The following GPC6 variants were observed in gnomAD, a reference collection of about 807,000 sequenced individuals.
The protein encoded by GPC6 is glypican-6.
Under a neutral mutation model 55.2 loss-of-function variants are expected in GPC6, and 14 were observed. The observed-to-expected ratio is 0.25, with a 90% CI of 0.17 to 0.40. The LOEUF is 0.40. Ranked by LOEUF, GPC6 falls within the 10% of genes least tolerant of loss-of-function variation. GPC6 has a pLI of 1.00. For synonymous variants in GPC6, 278 were observed against 259.6 expected (o/e 1.07, Z -0.68); for missense variants, 641 against 708.5 (o/e 0.90, Z 1.08).
intron 4 of GPC6, among the ~76,000 whole-genome samples, chr13:94,134,850 C>T (rs1887126090): frequency 6.6e-6 from 1 of 152,130 alleles, no homozygotes; most frequent in Admixed American, 6.5e-5. Context: ...ACCTGTAATG[C>T]TCTTATTTTC....
intron 2 of GPC6, among the ~76,000 whole-genome samples, chr13:93,643,360 C>A (rs777072448): frequency 2.1e-4 from 32 of 151,928 alleles, no homozygotes; most frequent in Non-Finnish European, 4.3e-4. Context: ...CTCAGCTGGG[C>A]CTGAGAATTA....
At chr13:94,162,214 G>A (rs532143078) in intron 4 of GPC6, among the ~76,000 whole-genome samples, 2 of 152,238 alleles carry the variant, frequency 1.3e-5, no homozygotes, top group South Asian at 4.1e-4. Flanking sequence ...GGATTCAGTG[G>A]CTCAGCAGTG....
intron 2 of GPC6, among the ~76,000 whole-genome samples, chr13:93,558,594 C>T (rs1367408172): frequency 1.3e-5 from 2 of 152,106 alleles, no homozygotes; most frequent in Non-Finnish European, 2.9e-5. Context: ...AAAGCTTGAA[C>T]CAAAGTGAAG....
At chr13:93,647,946 A>C (rs1158216203) in intron 2 of GPC6, among the ~76,000 whole-genome samples, 1 of 152,076 alleles carries the variant, frequency 6.6e-6, no homozygotes, top group African/African-American at 2.4e-5. Flanking sequence ...TATGAAAGCA[A>C]ATATCTTGCT....
At chr13:93,341,616 G>C (rs1880256805) in intron 1 of GPC6, among the ~76,000 whole-genome samples, 1 of 150,326 alleles carries the variant, frequency 6.7e-6, no homozygotes, top group Non-Finnish European at 1.5e-5. Flanking sequence ...TTGCTGATTT[G>C]CTTGAGTTCC....
intron 3 of GPC6, among the ~76,000 whole-genome samples, chr13:93,875,918 C>T (rs1263816668): frequency 6.6e-6 from 1 of 152,006 alleles, no homozygotes; most frequent in African/African-American, 2.4e-5. Context: ...AAATTAATAA[C>T]ATCTTTCTAA....
chr13:93,993,298 T>TTC (rs1881394429), intron 3 of GPC6, among the ~76,000 whole-genome samples: 1 of 150,402 alleles, frequency 6.6e-6, no homozygotes. Flanking sequence ...TTTCTTTCTT[T>TTC]TTTTTTTTTT....
chr13:93,612,965 G>C (rs1302854402), intron 2 of GPC6, among the ~76,000 whole-genome samples: 1 of 152,116 alleles, frequency 6.6e-6, no homozygotes, highest in Non-Finnish European at 1.5e-5. Context: ...TTAAATGACT[G>C]TTATGCTGGA....
intron 1 of GPC6, among the ~76,000 whole-genome samples, chr13:93,491,548 G>T (rs367825685): frequency 3.0e-5 from 4 of 131,156 alleles, no homozygotes; most frequent in African/African-American, 5.9e-5. Context: ...GTCAATTTTG[G>T]CTTTTGTTGC....
At position 93,470,477 on chromosome 13, in the gene GPC6, T is replaced by C. The variant is rs375576608; in HGVS notation, c.161-74786T>C. 1.1e-3 allele frequency among the ~76,000 whole-genome samples: 175 copies of C among 152,280 alleles called. 1 individual carries two copies. Among genetic ancestry groups the C allele is most frequent in the African/African-American group, 4.0e-3 (165 of 41,584 alleles). ...CATTACCTGGATAAATCCCCCTGAA[T>C]TGTGGTTTTTATCCTTTTTATATAT... On this transcript the variant is annotated intron_variant, in intron 1 of 8. Coordinates refer to ENST00000377047, the MANE Select transcript of GPC6 (RefSeq NM_005708.5).
At chr13:94,312,728 A>G (rs1341059878) in intron 6 of GPC6, among the ~76,000 whole-genome samples, 2 of 148,026 alleles carry the variant, frequency 1.4e-5, no homozygotes, top group Non-Finnish European at 2.9e-5. Flanking sequence ...ACGCACACAC[A>G]CACACACACA....
At chr13:94,169,757 A>C (rs1274620036) in intron 4 of GPC6, among the ~76,000 whole-genome samples, 6 of 152,220 alleles carry the variant, frequency 3.9e-5, no homozygotes, top group Admixed American at 3.9e-4. Flanking sequence ...AATCAGATTC[A>C]CACTCCCTGG....
chr13:93,706,514 T>C (rs942738104), intron 2 of GPC6, among the ~76,000 whole-genome samples: 13 of 151,934 alleles, frequency 8.6e-5, no homozygotes, highest in Admixed American at 2.0e-4. Flanking sequence ...GATAGAAATC[T>C]TGACAGATTC....
At chr13:93,323,949 C>T (rs1275992495) in intron 1 of GPC6, among the ~76,000 whole-genome samples, 1 of 152,078 alleles carries the variant, frequency 6.6e-6, no homozygotes, top group Admixed American at 6.5e-5. Flanking sequence ...GGTATATACC[C>T]AGAGGAAAGG....
At chr13:93,672,923 T>G (rs1881431673) in intron 2 of GPC6, among the ~76,000 whole-genome samples, 1 of 152,154 alleles carries the variant, frequency 6.6e-6, no homozygotes, top group African/African-American at 2.4e-5. Context: ...CTTTGAGTTC[T>G]GTTCTCAGAT....
chr13:93,985,794 A>G (rs1437867416), intron 3 of GPC6, among the ~76,000 whole-genome samples: 1 of 151,804 alleles, frequency 6.6e-6, no homozygotes, highest in East Asian at 1.9e-4. Context: ...TTGAATCTGG[A>G]ATGCAGACAG....
chr13:94,046,145 A>G (rs1258125208), intron 4 of GPC6, among the ~76,000 whole-genome samples: 1 of 152,034 alleles, frequency 6.6e-6, no homozygotes, highest in African/African-American at 2.4e-5. Flanking sequence ...AGACTGGAGT[A>G]ACTGATCTCC....
rs76309625 is a variant in GPC6, at chr13:94,235,094, G to A, written c.878-51255G>A. Among the ~76,000 whole-genome samples the A allele has an allele frequency of 8.3e-3, 1,260 of 152,144 alleles. 27 individuals carry two copies. Among genetic ancestry groups the A allele is most frequent in the African/African-American group, 0.029 (1,197 of 41,518 alleles). ...AAAATTGTTAAGGGAGTAAATTTACGTTGGATATTTTTCACCACAATAAGT... is the reference window on the plus strand; with the variant it reads ...AAAATTGTTAAGGGAGTAAATTTACATTGGATATTTTTCACCACAATAAGT... On this transcript the variant is annotated intron_variant, in intron 4 of 8. Coordinates refer to ENST00000377047, the MANE Select transcript of GPC6 (RefSeq NM_005708.5).
chr13:93,365,142 G>T lies in GPC6; in HGVS notation c.160+137526G>T, dbSNP rs567072021. On this transcript the variant is annotated intron_variant, in intron 1 of 8. Coordinates refer to ENST00000377047, the MANE Select transcript of GPC6 (RefSeq NM_005708.5). Reference sequence around the variant, plus strand: ...TCTGAAGCCATGGACCAGCATGTTTGACTGGCTGATGCGTTCCCACAGTAA... The same window carrying T: ...TCTGAAGCCATGGACCAGCATGTTTTACTGGCTGATGCGTTCCCACAGTAA... Among the ~76,000 whole-genome samples the T allele has an allele frequency of 1.1e-4, 16 of 152,198 alleles. No homozygotes were observed. In the South Asian group the frequency reaches 3.1e-3, roughly 30 times the overall value.
Sources: gnomAD v4.1 joint callset for allele counts (sites outside exome capture counted in the v4.1 genomes callset) on GRCh38, gnomAD v4.1.1 for gene constraint, MANE v1.5 for transcripts, NCBI Gene and HGNC (gene_info 2026-07-23, HGNC 2026-07-21) for gene names.